The following GATAD2A variants were observed in gnomAD, a reference collection of about 807,000 sequenced individuals.
The protein encoded by GATAD2A is GATA zinc finger domain containing 2A, also known as transcriptional repressor p66-alpha.
A neutral mutation model predicts 68.5 loss-of-function variants in GATAD2A; 12 were observed. The ratio of observed to expected loss-of-function variants is 0.18; its 90% CI spans 0.11 to 0.28. GATAD2A has a LOEUF of 0.28. Among genes scored for constraint, GATAD2A ranks in the 10% least tolerant of loss-of-function variants. GATAD2A has a pLI of 1.00. For missense variants in GATAD2A, 755 were observed against 868.5 expected (o/e 0.87, Z 1.64); for synonymous variants, 410 against 375.3 (o/e 1.09, Z -1.07).
chr19:19,501,934 CGCACT>C (rs766649061), intron 9 of GATAD2A, 30 bp from the exon 10 acceptor site: 5 of 1,567,410 alleles, frequency 3.2e-6, no homozygotes, highest in Non-Finnish European at 4.4e-6. Context: ...GCCAGCGGAC[CGCACT>C]GACTTTGCTT....
chr19:19,411,342 T>C (rs566315263), intron 1 of GATAD2A, among the ~76,000 whole-genome samples: 9 of 152,332 alleles, frequency 5.9e-5, no homozygotes, highest in African/African-American at 1.7e-4. Context: ...GCCTCTTTCC[T>C]GGCCCAGGGC....
At chr19:19,425,727 G>GGAT (rs2052996041) in intron 1 of GATAD2A, among the ~76,000 whole-genome samples, 1 of 152,090 alleles carries the variant, frequency 6.6e-6, no homozygotes, top group Non-Finnish European at 1.5e-5. Context: ...TGGGCCCAAG[G>GGAT]GATTATAGGC....
chr19:19,469,215 A>G (rs924575344), intron 2 of GATAD2A, among the ~76,000 whole-genome samples: 3 of 151,996 alleles, frequency 2.0e-5, no homozygotes, highest in Non-Finnish European at 2.9e-5. Context: ...GTGGATCACA[A>G]GGTCAGGAGA....
chr19:19,469,431 C>CAAAAAAAG (rs544638445), intron 2 of GATAD2A, among the ~76,000 whole-genome samples: 2 of 132,198 alleles, frequency 1.5e-5, no homozygotes, highest in African/African-American at 6.0e-5. Flanking sequence ...GACTCCATCT[C>CAAAAAAAG]AAAAAAAAAG....
intron 11 of GATAD2A, 36 bp downstream of exon 11, chr19:19,502,562 C>T: frequency 6.6e-7 from 1 of 1,504,138 alleles, no homozygotes; most frequent in Non-Finnish European, 9.1e-7. Context: ...AGGGGACCTG[C>T]CCATTGTGGG....
intron 5 of GATAD2A, 101 bp from the exon 6 acceptor site, chr19:19,495,653 A>AC: frequency 1.8e-6 from 2 of 1,089,166 alleles, no homozygotes; most frequent in Non-Finnish European, 2.6e-6. Flanking sequence ...AAAAAAAAAA[A>AC]AACTAGTATG....
chr19:19,468,748 A>G (rs4808962), intron 2 of GATAD2A, among the ~76,000 whole-genome samples: 23,994 of 152,258 alleles, frequency 0.16, 2,005 homozygotes, highest in Middle Eastern at 0.28. Flanking sequence ...AGACATTGTC[A>G]GGTAAACAAG....
At chr19:19,457,720 A>G (rs2057064963) in intron 1 of GATAD2A, among the ~76,000 whole-genome samples, 1 of 151,680 alleles carries the variant, frequency 6.6e-6, no homozygotes, top group Non-Finnish European at 1.5e-5. Context: ...CAGCCTGGGC[A>G]ACAGACTGAG....
At chr19:19,502,556 G>T in intron 11 of GATAD2A, 30 bp downstream of exon 11, 2 of 1,543,574 alleles carry the variant, frequency 1.3e-6, no homozygotes, top group Non-Finnish European at 1.8e-6. Context: ...CTCCCCAGGG[G>T]ACCTGCCCAT....
chr19:19,385,990 G>GGTCA (rs2048386069), exon 1 of GATAD2A: 1 of 150,286 alleles, frequency 6.7e-6, no homozygotes, highest in Non-Finnish European at 1.5e-5. Flanking sequence ...TCGGTCGGTC[G>GGTCA]TCTGTCCTGT....
At chr19:19,429,483 C>T (rs1236718986) in intron 1 of GATAD2A, among the ~76,000 whole-genome samples, 1 of 152,018 alleles carries the variant, frequency 6.6e-6, no homozygotes, top group Non-Finnish European at 1.5e-5. Flanking sequence ...GTGGGCCGGG[C>T]CTTGAAGGCC....
In GATAD2A at chr19:19,502,419, C is replaced by T. The variant is rs1455307351; in HGVS notation, c.1667C>T (p.Ala556Val). Residue 556 changes from alanine (A) to valine (V), a missense_variant, in exon 11 of 12, where the codon GCC becomes GTC. By Grantham distance (64) the Ala-to-Val change is moderately conservative. Transcript: ENST00000683918. ...FSPSPKLQNS[A>V]SATALVSRTG... ...CCGTCACCCAAACTGCAGAACTCAG[C>T]CTCGGCCACAGCCCTGGTCAGCAGG... The T allele has an allele frequency of 1.2e-6, 2 of 1,613,568 alleles. No individual in the cohort carries two copies. Among genetic ancestry groups the T allele is most frequent in the African/African-American group, 1.3e-5 (1 of 74,934 alleles).
intron 1 of GATAD2A, among the ~76,000 whole-genome samples, chr19:19,397,295 T>C (rs2049330551): frequency 1.3e-5 from 2 of 152,070 alleles, no homozygotes; most frequent in South Asian, 4.1e-4. Flanking sequence ...CAGGCTGGAG[T>C]GCAATGGCGT....
chr19:19,465,622 G>A lies in GATAD2A; in HGVS notation c.269+8G>A, dbSNP rs763646645. The A allele has an allele frequency of 1.9e-6, 3 of 1,597,322 alleles. No individual in the cohort carries two copies. Among genetic ancestry groups the A allele is most frequent in the East Asian group, 4.5e-5 (2 of 44,110 alleles). On this transcript the variant is annotated splice_region_variant and intron_variant, in intron 2 of 11. Coordinates refer to ENST00000683918, the MANE Select transcript of GATAD2A (RefSeq NM_001384528.1). ...CATGCGCACCTCACACAGGTGAGTGGGAGGAGCCAGCGGGAGGGGCTGGAA... is the reference window on the plus strand; with the variant it reads ...CATGCGCACCTCACACAGGTGAGTGAGAGGAGCCAGCGGGAGGGGCTGGAA...
At chr19:19,422,949 G>C (rs973343417) in intron 1 of GATAD2A, among the ~76,000 whole-genome samples, 4 of 152,120 alleles carry the variant, frequency 2.6e-5, no homozygotes, top group African/African-American at 7.2e-5. Context: ...CTGAACTCAT[G>C]ATCTGCCCGC....
chr19:19,396,424 C>T (rs1003317345), intron 1 of GATAD2A, among the ~76,000 whole-genome samples: 1 of 152,184 alleles, frequency 6.6e-6, no homozygotes, highest in African/African-American at 2.4e-5. Context: ...TGACACTGGG[C>T]CAATAGGCTG....
Position 19,494,305 on chromosome 19 carries a change from T to C in GATAD2A, c.546T>C (p.Ser182=), listed in dbSNP as rs755600915. ...KEATAQKPTG[S]VGSTVTTPPP... ...CTGCTCTCTTGCAGCCCACAGGTTC[T>C]GTTGGGAGCACCGTGACCACCCCTC... The change falls in exon 5 of 12, where the codon TCT becomes TCC. Residue 182 remains serine (S), a synonymous_variant. Transcript: ENST00000683918. 6.2e-7 allele frequency: 1 copy of C among 1,608,056 alleles called. No individual in the cohort carries two copies. The highest frequency in any genetic ancestry group is 1.7e-5 in the Admixed American group (1 of 59,988).
intron 1 of GATAD2A, among the ~76,000 whole-genome samples, chr19:19,406,396 G>T (rs1421425781): frequency 6.6e-6 from 1 of 151,116 alleles, no homozygotes; most frequent in Admixed American, 6.6e-5. Flanking sequence ...GCGCGGGGCG[G>T]GGGTCCCGCT....
intron 1 of GATAD2A, among the ~76,000 whole-genome samples, chr19:19,446,745 G>C (rs576148144): frequency 3.4e-4 from 52 of 152,068 alleles, no homozygotes; most frequent in African/African-American, 1.1e-3. Context: ...TTTTTTTGTA[G>C]AGACAGTCTC....
Sources: allele counts gnomAD v4.1 joint callset (sites outside exome capture counted in the v4.1 genomes callset), GRCh38; gene constraint gnomAD v4.1.1; transcripts MANE v1.5; gene names NCBI Gene and HGNC (gene_info 2026-07-23, HGNC 2026-07-21).